Variants in CREB3L2 observed in about 807,000 individuals in gnomAD.
CREB3L2 encodes cAMP responsive element binding protein 3 like 2.
Under a neutral mutation model 57.2 loss-of-function variants are expected in CREB3L2, and 23 were observed. The observed-to-expected ratio is 0.40, with a 90% CI of 0.29 to 0.57. The LOEUF (loss-of-function observed/expected upper bound fraction) is 0.57, where lower values mean the gene tolerates loss of function less well. Ranked by LOEUF, CREB3L2 falls within the 20% of genes least tolerant of loss-of-function variation. The probability of loss-of-function intolerance (pLI) is 0.42; values close to 1 mark genes in which losing one functional copy is unlikely to be tolerated. For synonymous variants in CREB3L2, 268 were observed against 265.1 expected (o/e 1.01, Z -0.11); for missense variants, 628 against 634.7 (o/e 0.99, Z 0.11).
Position 137,928,315 on chromosome 7 carries a change from G to C in CREB3L2, c.154C>G (p.Leu52Val). Residue 52 changes from leucine to valine, a missense_variant, in exon 2 of 12, where the codon CTG (leucine) becomes GTG (valine). Leu to Val is a conservative substitution (Grantham distance 32, BLOSUM62 1). Around this residue, in one of 3 missense-constraint regions of CREB3L2, gnomAD observed 339 missense variants for 355.4 expected, o/e 0.95. Coordinates refer to ENST00000330387, the MANE Select transcript of CREB3L2 (RefSeq NM_194071.4). The part of the protein sequence containing the change: ...EFSQNVLGQL[L>V]NDPFLSEKSV... ...TTCTCTGAGAGGAAAGGATCATTCA[G>C]GAGCTGACCCAAGACGTTCTGGGAA... 1.2e-6 allele frequency: 2 copies of C among 1,614,172 alleles called. No individual in the cohort carries two copies. Among genetic ancestry groups the C allele is most frequent in the African/African-American group, 2.7e-5 (2 of 75,048 alleles).
chr7:137,957,929 G>A (rs2117281796), intron 1 of CREB3L2: 1 of 428,778 alleles, frequency 2.3e-6, no homozygotes, highest in South Asian at 2.0e-5. Context: ...TACAATCTAG[G>A]ACCTCCTCCC....
At chr7:137,972,056 A>T (rs76513289) in intron 1 of CREB3L2, among the ~76,000 whole-genome samples, 2,459 of 151,370 alleles carry the variant, frequency 0.016, 66 homozygotes, top group African/African-American at 0.056. Flanking sequence ...AAGTATTCAT[A>T]AAAAAAATCT....
At chr7:137,884,813 C>T (rs1799374437) in intron 10 of CREB3L2, 182 bp downstream of exon 10, 1 of 727,502 alleles carries the variant, frequency 1.4e-6, no homozygotes, top group South Asian at 1.5e-5. Context: ...CCCAGTGATG[C>T]CGCAGTCCAG....
intron 1 of CREB3L2, among the ~76,000 whole-genome samples, chr7:137,937,362 G>A (rs997315054): frequency 6.6e-6 from 1 of 152,194 alleles, no homozygotes; most frequent in African/African-American, 2.4e-5. Flanking sequence ...GCTCAGGCAG[G>A]GAGGAGCTGC....
chr7:137,952,011 A>G (rs2117272266), intron 1 of CREB3L2, among the ~76,000 whole-genome samples: 1 of 152,198 alleles, frequency 6.6e-6, no homozygotes, highest in Non-Finnish European at 1.5e-5. Flanking sequence ...CAAAATAGAC[A>G]ATAGGGCTGG....
intron 1 of CREB3L2, among the ~76,000 whole-genome samples, chr7:137,968,764 GGC>G (rs1801451782): frequency 6.6e-6 from 1 of 152,114 alleles, no homozygotes; most frequent in East Asian, 1.9e-4. Context: ...CATCAGCTCA[GGC>G]CCGCCACCAA....
intron 1 of CREB3L2, among the ~76,000 whole-genome samples, chr7:137,962,338 G>A (rs957732838): frequency 1.3e-5 from 2 of 152,260 alleles, no homozygotes; most frequent in South Asian, 4.1e-4. Flanking sequence ...GATCCTGAGT[G>A]TGTATTCCCA....
At chr7:137,955,142 CT>C in intron 1 of CREB3L2, 1 of 468,064 alleles carries the variant, frequency 2.1e-6, no homozygotes, top group African/African-American at 2.0e-5. Context: ...CCAGGCTGAC[CT>C]TTTTATAAGT....
In CREB3L2 at chr7:138,001,222, T is replaced by G. The variant is rs189875744; in HGVS notation, c.102+382A>C. On this transcript the variant is annotated intron_variant, in intron 1 of 11. Coordinates refer to ENST00000330387, the MANE Select transcript of CREB3L2 (RefSeq NM_194071.4). The surrounding 1 kb of genome is among the most constrained non-coding windows in gnomAD (Gnocchi z 4.2). ...ATGAAAAGGAAATGCTACTTAATCTTGTCCAGTTTTTGAAAACCTCAAAAA... is the reference window on the plus strand; with the variant it reads ...ATGAAAAGGAAATGCTACTTAATCTGGTCCAGTTTTTGAAAACCTCAAAAA... Among the ~76,000 whole-genome samples the G allele has an allele frequency of 2.0e-4, 30 of 151,884 alleles. No homozygotes were observed. The highest frequency in any genetic ancestry group is 9.7e-4 in the East Asian group (5 of 5,172).
At chr7:137,940,613 G>A (rs1008520909) in intron 1 of CREB3L2, among the ~76,000 whole-genome samples, 2 of 152,198 alleles carry the variant, frequency 1.3e-5, no homozygotes, top group Admixed American at 6.5e-5. Flanking sequence ...ACTGAAAAGT[G>A]TTCCACAGAC....
chr7:137,998,766 A>T (rs1485284292), intron 1 of CREB3L2, among the ~76,000 whole-genome samples: 1 of 152,252 alleles, frequency 6.6e-6, no homozygotes, highest in Non-Finnish European at 1.5e-5. Context: ...TGTGAAACCC[A>T]GTGCAAAATG....
chr7:137,945,056 C>A (rs1330250168), intron 1 of CREB3L2, among the ~76,000 whole-genome samples: 4 of 152,140 alleles, frequency 2.6e-5, no homozygotes. Flanking sequence ...CCACGCCCAG[C>A]TAATTTTTGT....
At chr7:137,983,978 C>T (rs1296374975) in intron 1 of CREB3L2, among the ~76,000 whole-genome samples, 1 of 152,234 alleles carries the variant, frequency 6.6e-6, no homozygotes, top group African/African-American at 2.4e-5. Context: ...GGCCCACTCA[C>T]ATTCCAGGCA....
At position 138,001,889 on chromosome 7, in the gene CREB3L2, C is replaced by T. The variant is rs1172308655; in HGVS notation, c.-184G>A. The T allele has an allele frequency of 2.1e-5, 10 of 473,734 alleles. No individual in the cohort carries two copies. The highest frequency in any genetic ancestry group is 3.8e-5 in the Non-Finnish European group (10 of 266,216). The allele number at this position is 473,734 out of a possible 1,614,324, so 29.3% of individuals were successfully genotyped here. On this transcript the variant is annotated 5_prime_UTR_variant, in exon 1 of 12. Coordinates refer to ENST00000330387, the MANE Select transcript of CREB3L2 (RefSeq NM_194071.4). This position sits in a 1 kb window ranked among gnomAD's most constrained non-coding sequence, Gnocchi z 4.2. ...CCGGAGAGAGGATGGCCAAGCGCTC[C>T]CGTCCGGTGTCCTCGGAGATCCGAG...
intron 1 of CREB3L2, among the ~76,000 whole-genome samples, chr7:137,931,521 C>CAAA (rs59161952): frequency 8.2e-5 from 5 of 61,000 alleles, no homozygotes; most frequent in African/African-American, 4.8e-5. Context: ...GACTCCGTCT[C>CAAA]AAAAAAAAAA....
At chr7:137,885,891 C>T (rs2117177789) in intron 8 of CREB3L2, among the ~76,000 whole-genome samples, 1 of 152,262 alleles carries the variant, frequency 6.6e-6, no homozygotes, top group East Asian at 1.9e-4. Context: ...AAAACCCAGT[C>T]CTCTATGTGA....
chr7:137,926,630 G>A (rs1800466177), intron 2 of CREB3L2, among the ~76,000 whole-genome samples: 1 of 152,090 alleles, frequency 6.6e-6, no homozygotes, highest in South Asian at 2.1e-4. Context: ...CTACATGATG[G>A]GTTGATAGGT....
rs1175776769 is a variant in CREB3L2 at position 137,879,595 on chromosome 7, A to C, written c.*881T>G. 1 of 246,358 alleles carries C rather than the reference A, an allele frequency of 4.1e-6. No homozygotes were observed. The highest frequency in any genetic ancestry group is 7.9e-6 in the Non-Finnish European group (1 of 126,358). The allele number at this position is 246,358 out of a possible 1,614,324, so 15.3% of individuals were successfully genotyped here. On this transcript the variant is annotated 3_prime_UTR_variant, in exon 12 of 12. Coordinates refer to ENST00000330387, the MANE Select transcript of CREB3L2 (RefSeq NM_194071.4). ...TTAAAAGAAAAAACAAAGGAAAGGA[A>C]ACAAAACATTGTCTGGAAAGACACG...
intron 1 of CREB3L2, among the ~76,000 whole-genome samples, chr7:137,971,467 T>G (rs1733596258): frequency 6.6e-6 from 1 of 151,142 alleles, no homozygotes; most frequent in Non-Finnish European, 1.5e-5. Flanking sequence ...AAAAAAAAAT[T>G]TTGGATGGGG....
Sources: gnomAD v4.1 joint callset for allele counts (sites outside exome capture counted in the v4.1 genomes callset) on GRCh38, gnomAD v4.1.1 for gene constraint, gnomAD v4.1.1 regional missense constraint, Gnocchi (gnomAD v3.1) non-coding constraint, MANE v1.5 for transcripts, NCBI Gene and HGNC (gene_info 2026-07-23, HGNC 2026-07-21) for gene names.